The following TRMT9B variants were observed in gnomAD, a reference collection of about 807,000 sequenced individuals.
The protein encoded by TRMT9B is tRNA methyltransferase 9B (putative), also known as probable tRNA methyltransferase 9B.
TRMT9B carries 16 observed loss-of-function variants against 11.5 expected under a neutral mutation model. The observed-to-expected ratio is 1.39, with a 90% CI of 0.94 to 2.11. The LOEUF is 2.11. TRMT9B is among the 30% of genes most tolerant of loss of function. The probability of loss-of-function intolerance (pLI) is 0.00; values close to 1 mark genes in which losing one functional copy is unlikely to be tolerated. For synonymous variants in TRMT9B, 274 were observed against 192.4 expected (o/e 1.42, Z -3.51); for missense variants, 941 against 553.8 (o/e 1.70, Z -7.02).
chr8:13,015,740 C>T (rs1271749855), intron 4 of TRMT9B, among the ~76,000 whole-genome samples: 1 of 152,082 alleles, frequency 6.6e-6, no homozygotes, highest in African/African-American at 2.4e-5. Context: ...ACCACCTTTC[C>T]TATGCTTGGG....
intron 1 of TRMT9B, among the ~76,000 whole-genome samples, chr8:12,964,444 T>G (rs1802550590): frequency 6.6e-6 from 1 of 152,236 alleles, no homozygotes; most frequent in Admixed American, 6.5e-5. Flanking sequence ...AATTTTAAAT[T>G]TGGAGCCAGA....
intron 1 of TRMT9B, chr8:12,962,102 A>G (rs1411058753): frequency 6.6e-6 from 1 of 152,328 alleles, no homozygotes; most frequent in Non-Finnish European, 1.5e-5. Flanking sequence ...TCCTACAGAC[A>G]TGGACTGGAT....
intron 2 of TRMT9B, among the ~76,000 whole-genome samples, chr8:12,994,649 G>A (rs969884248): frequency 6.6e-6 from 1 of 152,140 alleles, no homozygotes; most frequent in African/African-American, 2.4e-5. Flanking sequence ...GATTCTTCTT[G>A]CAAGTGCAAT....
intron 1 of TRMT9B, among the ~76,000 whole-genome samples, chr8:12,961,156 C>G (rs1400906879): frequency 6.6e-6 from 1 of 151,604 alleles, no homozygotes; most frequent in Non-Finnish European, 1.5e-5. Context: ...AACAAACAAA[C>G]AAAAAACTAT....
chr8:13,004,172 G>C (rs79276641), intron 2 of TRMT9B, among the ~76,000 whole-genome samples: 1 of 151,932 alleles, frequency 6.6e-6, no homozygotes, highest in Non-Finnish European at 1.5e-5. Flanking sequence ...GTTCCGGCAG[G>C]CCTCACCACT....
In TRMT9B at chr8:13,009,970, TACA is replaced by T. The variant is rs761771149; in HGVS notation, c.155-2707_155-2705del. ...GGTGAAACCCCATCTCTACAAAAAA[TACA>T]ACAACAGTAAAAATAATTAGCTAAG... On this transcript the variant is annotated intron_variant, in intron 3 of 4. Transcript: ENST00000524591. Among the ~76,000 whole-genome samples the T allele has an allele frequency of 3.3e-5, 5 of 151,856 alleles. No individual in the cohort carries two copies. The South Asian group carries it at 1.0e-3, about 32-fold the overall frequency.
intron 1 of TRMT9B, among the ~76,000 whole-genome samples, chr8:12,967,098 C>T (rs984014761): frequency 1.3e-5 from 2 of 152,142 alleles, no homozygotes; most frequent in Non-Finnish European, 1.5e-5. Flanking sequence ...AATTGAGAAG[C>T]AGAAATGTTT....
At chr8:13,014,444 C>T (rs574064789) in intron 4 of TRMT9B, among the ~76,000 whole-genome samples, 20 of 152,214 alleles carry the variant, frequency 1.3e-4, no homozygotes, top group East Asian at 3.9e-4. Context: ...TGCATCATCA[C>T]GTGAAATGCG....
At chr8:12,967,426 A>AT (rs1481887515) in intron 1 of TRMT9B, among the ~76,000 whole-genome samples, 1 of 152,240 alleles carries the variant, frequency 6.6e-6, no homozygotes, top group East Asian at 1.9e-4. Context: ...TCACCAGACC[A>AT]TAACGAAATG....
chr8:13,009,389 G>A (rs1350203601), intron 3 of TRMT9B, among the ~76,000 whole-genome samples: 2 of 152,158 alleles, frequency 1.3e-5, no homozygotes, highest in East Asian at 3.9e-4. Flanking sequence ...GGGAAAGGAT[G>A]TGAACAAATG....
intron 1 of TRMT9B, among the ~76,000 whole-genome samples, chr8:12,976,557 T>A (rs1241204935): frequency 6.6e-6 from 1 of 151,944 alleles, no homozygotes; most frequent in Non-Finnish European, 1.5e-5. Flanking sequence ...CTGGGTAATA[T>A]AGTAAAACCC....
chr8:13,006,513 T>C lies in TRMT9B; in HGVS notation c.154+157T>C, dbSNP rs545004938. The C allele has an allele frequency of 1.2e-4, 172 of 1,461,378 alleles. 1 individual carries two copies. In the African/African-American group the frequency reaches 1.6e-3, roughly 14 times the overall value. The allele number at this position is 1,461,378 out of a possible 1,614,324, so 90.5% of individuals were successfully genotyped here. On this transcript the variant is annotated intron_variant, in intron 3 of 4. Coordinates refer to ENST00000524591, the MANE Select transcript of TRMT9B (RefSeq NM_020844.3). ...GCCGTGTAGCATGAAATACCTTCCA[T>C]TGAGCCTTTGCTTTTCACATTGATT...
intron 2 of TRMT9B, among the ~76,000 whole-genome samples, chr8:12,999,298 C>CAAAAAAAAAAAAAAA (rs71207111): frequency 2.1e-5 from 1 of 47,640 alleles, no homozygotes; most frequent in Non-Finnish European, 4.5e-5. Context: ...GACTCCATCT[C>CAAAAAAAAAAAAAAA]AAAAAAAAAA....
At chr8:13,010,482 A>C in intron 3 of TRMT9B, 1 of 984,786 alleles carries the variant, frequency 1.0e-6, no homozygotes, top group Non-Finnish European at 1.2e-6. Context: ...TGAATAGACA[A>C]TAGTTTGGAT....
In TRMT9B at chr8:13,002,777, C is replaced by CAAAGTCTCTCT. The variant is rs1323581468; in HGVS notation, c.-1-3424_-1-3414dup. Among the ~76,000 whole-genome samples, 9 of 152,260 alleles carry CAAAGTCTCTCT rather than the reference C, an allele frequency of 5.9e-5. No individual in the cohort carries two copies. In the East Asian group the frequency reaches 1.4e-3, roughly 23 times the overall value. ...ATAAGAAACAATATTTGCATAGTCT[C>CAAAGTCTCTCT]AAAGTCTCTCTCCATACAGGGAAGA... On this transcript the variant is annotated intron_variant, in intron 2 of 4. Transcript: ENST00000524591.
At chr8:12,994,338 A>G (rs1038756134) in intron 2 of TRMT9B, among the ~76,000 whole-genome samples, 2 of 152,234 alleles carry the variant, frequency 1.3e-5, no homozygotes, top group African/African-American at 4.8e-5. Flanking sequence ...ATGTTTTGAA[A>G]AAAATAAAAC....
chr8:12,997,480 G>A (rs1293872587), intron 2 of TRMT9B, among the ~76,000 whole-genome samples: 3 of 152,112 alleles, frequency 2.0e-5, no homozygotes, highest in African/African-American at 7.2e-5. Context: ...CAAACTGCTT[G>A]TCCTTATAAA....
At chr8:12,982,977 C>T (rs746304142) in intron 1 of TRMT9B, among the ~76,000 whole-genome samples, 1 of 152,198 alleles carries the variant, frequency 6.6e-6, no homozygotes, top group Non-Finnish European at 1.5e-5. Flanking sequence ...AATAAAATGG[C>T]ATGTGTTCAG....
At chr8:12,999,046 A>C (rs533577251) in intron 2 of TRMT9B, among the ~76,000 whole-genome samples, 1 of 152,130 alleles carries the variant, frequency 6.6e-6, no homozygotes, top group Admixed American at 6.5e-5. Context: ...CACGCCTGTA[A>C]TCCTAGCACT....
Sources: allele counts gnomAD v4.1 joint callset (sites outside exome capture counted in the v4.1 genomes callset), GRCh38; gene constraint gnomAD v4.1.1; transcripts MANE v1.5; gene names NCBI Gene and HGNC (gene_info 2026-07-23, HGNC 2026-07-21).